Variants in PRKAG2 observed in about 807,000 individuals in gnomAD.
PRKAG2 encodes the protein 5'-AMP-activated protein kinase subunit gamma-2.
Under a neutral mutation model 69.6 loss-of-function variants are expected in PRKAG2, and 26 were observed. That is an observed-to-expected ratio of 0.37 (90% CI 0.27 to 0.52). The LOEUF (loss-of-function observed/expected upper bound fraction) is 0.52, where lower values mean the gene tolerates loss of function less well. Among genes scored for constraint, PRKAG2 ranks in the 20% least tolerant of loss-of-function variants. The pLI, the probability that PRKAG2 is intolerant of heterozygous loss-of-function variation, is 0.90. For missense variants in PRKAG2, 557 were observed against 740.0 expected (o/e 0.75, Z 2.87); for synonymous variants, 293 against 285.0 (o/e 1.03, Z -0.28).
chr7:151,804,849 C>T (rs892030343), intron 1 of PRKAG2, among the ~76,000 whole-genome samples: 10 of 152,130 alleles, frequency 6.6e-5, no homozygotes, highest in Admixed American at 4.6e-4. Context: ...GGTTTTGTTG[C>T]GGCTGCTGTT....
intron 4 of PRKAG2, among the ~76,000 whole-genome samples, chr7:151,668,928 T>C (rs1831421362): frequency 6.6e-6 from 1 of 152,182 alleles, no homozygotes; most frequent in South Asian, 2.1e-4. Flanking sequence ...GTGACTGCTG[T>C]GGAAGGAAAT....
intron 3 of PRKAG2, among the ~76,000 whole-genome samples, chr7:151,735,131 C>T (rs1016374683): frequency 1.3e-4 from 20 of 152,144 alleles, no homozygotes; most frequent in African/African-American, 4.6e-4. Context: ...GCTGGGATTA[C>T]AGGCATGAGC....
At chr7:151,748,303 A>G (rs2074426548) in intron 3 of PRKAG2, among the ~76,000 whole-genome samples, 1 of 152,202 alleles carries the variant, frequency 6.6e-6, no homozygotes, top group South Asian at 2.1e-4. Context: ...CAATGTAAAC[A>G]ATAGATAGTA....
At chr7:151,574,543 C>T (rs949576139) in intron 8 of PRKAG2, among the ~76,000 whole-genome samples, 5 of 152,196 alleles carry the variant, frequency 3.3e-5, no homozygotes, top group Admixed American at 1.3e-4. Flanking sequence ...TTAAGCTCTA[C>T]CACCTCAACA....
chr7:151,871,396 C>A (rs953095695), intron 1 of PRKAG2, among the ~76,000 whole-genome samples: 5 of 152,228 alleles, frequency 3.3e-5, no homozygotes, highest in Admixed American at 2.6e-4. Context: ...ACCTCTACGG[C>A]CCTTTGCTAC....
chr7:151,620,443 T>G (rs897215072), intron 5 of PRKAG2, among the ~76,000 whole-genome samples: 1 of 152,006 alleles, frequency 6.6e-6, no homozygotes, highest in Non-Finnish European at 1.5e-5. Context: ...CCCAAGAAGC[T>G]GGGACTAGAT....
chr7:151,787,866 A>G lies in PRKAG2; in HGVS notation c.115-1325T>C, dbSNP rs935404215. 2.6e-5 allele frequency among the ~76,000 whole-genome samples: 4 copies of G among 152,174 alleles called. No individual in the cohort carries two copies. In the East Asian group the frequency reaches 7.7e-4, roughly 29 times the overall value. The stretch of plus-strand genomic sequence containing the variant: ...AGATTAGGACACAGGCACCTACAAG[A>G]CAGAGACCACACATAGAGACACAGG... On this transcript the variant is annotated intron_variant, in intron 1 of 15. Coordinates refer to ENST00000287878, the MANE Select transcript of PRKAG2 (RefSeq NM_016203.4).
At chr7:151,664,984 T>G (rs1220563381) in intron 4 of PRKAG2, among the ~76,000 whole-genome samples, 2 of 152,214 alleles carry the variant, frequency 1.3e-5, no homozygotes, top group African/African-American at 4.8e-5. Flanking sequence ...ACCCTACACT[T>G]GCATCCCTGT....
At chr7:151,686,195 C>T (rs1188152931) in intron 3 of PRKAG2, among the ~76,000 whole-genome samples, 1 of 152,110 alleles carries the variant, frequency 6.6e-6, no homozygotes, top group African/African-American at 2.4e-5. Context: ...AAGATCCTGA[C>T]CGATGGGGCC....
At chr7:151,700,877 C>A (rs2151566868) in intron 3 of PRKAG2, among the ~76,000 whole-genome samples, 1 of 152,344 alleles carries the variant, frequency 6.6e-6, no homozygotes, top group South Asian at 2.1e-4. Context: ...GTTTAGAGGT[C>A]AAACATCCAT....
chr7:151,623,820 G>GT (rs1822145498), intron 5 of PRKAG2, among the ~76,000 whole-genome samples: 1 of 152,108 alleles, frequency 6.6e-6, no homozygotes, highest in South Asian at 2.1e-4. Context: ...TACATCGTAT[G>GT]TATGTATAAG....
chr7:151,729,300 C>T (rs1798533473), intron 3 of PRKAG2, among the ~76,000 whole-genome samples: 1 of 152,130 alleles, frequency 6.6e-6, no homozygotes, highest in Non-Finnish European at 1.5e-5. Flanking sequence ...AAGACCCATC[C>T]TCACAAACAA....
chr7:151,712,616 T>C (rs1795509025), intron 3 of PRKAG2, among the ~76,000 whole-genome samples: 1 of 152,248 alleles, frequency 6.6e-6, no homozygotes, highest in Admixed American at 6.5e-5. Context: ...CACCAGCTCC[T>C]GGGCTGCAGG....
chr7:151,764,416 T>C (rs946556530), intron 3 of PRKAG2, among the ~76,000 whole-genome samples: 3 of 152,166 alleles, frequency 2.0e-5, no homozygotes, highest in African/African-American at 7.2e-5. Context: ...CTATTTGTCC[T>C]TTAAGCTAAC....
intron 3 of PRKAG2, among the ~76,000 whole-genome samples, chr7:151,694,344 C>T (rs975182945): frequency 3.3e-5 from 5 of 152,206 alleles, no homozygotes; most frequent in African/African-American, 7.2e-5. Flanking sequence ...TCTTCAAGCG[C>T]ACAGTTCAGC....
chr7:151,860,403 T>C (rs1487021470), intron 1 of PRKAG2, among the ~76,000 whole-genome samples: 2 of 152,150 alleles, frequency 1.3e-5, no homozygotes, highest in South Asian at 4.2e-4. Flanking sequence ...CCACCCCCTC[T>C]CCTCCCTGGC....
chr7:151,626,723 G>A (rs1370400052), intron 5 of PRKAG2, among the ~76,000 whole-genome samples: 2 of 152,002 alleles, frequency 1.3e-5, no homozygotes, highest in South Asian at 2.1e-4. Flanking sequence ...CAAATACACA[G>A]GGAGGCAATT....
rs1807860716 is a variant in PRKAG2 at position 151,572,670 on chromosome 7, A to G, written c.1045T>C (p.Trp349Arg). The change falls in exon 9 of 16, where the codon TGG (tryptophan) becomes CGG (arginine). Residue 349 changes from tryptophan to arginine, a missense_variant. By Grantham distance (101) the Trp-to-Arg change is moderately radical. Coordinates refer to ENST00000287878, the MANE Select transcript of PRKAG2 (RefSeq NM_016203.4). ...YELEEHKIET[W>R]RELYLQETFK... Reference sequence around the variant, plus strand: ...AACATCCAATAGTGCTTACCCCTCCATGTTTCAATTTTATGTTCCTCTAAT... The same window carrying G: ...AACATCCAATAGTGCTTACCCCTCCGTGTTTCAATTTTATGTTCCTCTAAT... 1 of 1,598,272 alleles carries G rather than the reference A, an allele frequency of 6.3e-7. No homozygotes were observed.
chr7:151,575,981 A>T (rs1459778149), intron 7 of PRKAG2, among the ~76,000 whole-genome samples: 1 of 148,998 alleles, frequency 6.7e-6, no homozygotes, highest in Non-Finnish European at 1.5e-5. Flanking sequence ...TGTAAAAGCA[A>T]GGAATTTTTT....
Sources: gnomAD v4.1 joint callset for allele counts (sites outside exome capture counted in the v4.1 genomes callset) on GRCh38, gnomAD v4.1.1 for gene constraint, MANE v1.5 for transcripts, NCBI Gene and HGNC (gene_info 2026-07-23, HGNC 2026-07-21) for gene names.